CAMK4: variants seen among roughly 807,000 people sequenced by gnomAD.
CAMK4 encodes calcium/calmodulin dependent protein kinase IV.
Under a neutral mutation model 44.9 loss-of-function variants are expected in CAMK4, and 22 were observed. The observed-to-expected ratio is 0.49, with a 90% CI of 0.35 to 0.70. The LOEUF is 0.70. CAMK4 is among the 30% of genes least tolerant of loss of function. CAMK4 has a pLI of 0.01. For synonymous variants in CAMK4, 218 were observed against 215.4 expected (o/e 1.01, Z -0.11); for missense variants, 498 against 586.8 (o/e 0.85, Z 1.56).
intron 1 of CAMK4, among the ~76,000 whole-genome samples, chr5:111,332,759 C>G (rs867940158): frequency 6.6e-6 from 1 of 151,512 alleles, no homozygotes; most frequent in Non-Finnish European, 1.5e-5. Context: ...AACATTGGTG[C>G]TTTTACTTCT....
intron 5 of CAMK4, among the ~76,000 whole-genome samples, chr5:111,437,822 C>T (rs1251788135): frequency 6.6e-6 from 1 of 152,012 alleles, no homozygotes; most frequent in Non-Finnish European, 1.5e-5. Context: ...AGCATAGGAA[C>T]CAGATCACCA....
intron 1 of CAMK4, among the ~76,000 whole-genome samples, chr5:111,264,025 T>A (rs1236167677): frequency 1.3e-5 from 2 of 152,240 alleles, no homozygotes; most frequent in Non-Finnish European, 2.9e-5. Context: ...CTGCCAAGCT[T>A]ACTACTTTCC....
At chr5:111,418,616 C>A (rs906204329) in intron 5 of CAMK4, among the ~76,000 whole-genome samples, 2 of 149,988 alleles carry the variant, frequency 1.3e-5, no homozygotes, top group Admixed American at 1.3e-4. Context: ...CAACAGTCCC[C>A]AGAGTGTGAT....
intron 5 of CAMK4, among the ~76,000 whole-genome samples, chr5:111,407,492 A>T (rs1752479926): frequency 6.6e-6 from 1 of 152,190 alleles, no homozygotes; most frequent in African/African-American, 2.4e-5. Context: ...AAAGTGAGGA[A>T]TCAAGCTGTA....
chr5:111,410,971 C>CT (rs1752612054), intron 5 of CAMK4, among the ~76,000 whole-genome samples: 1 of 152,092 alleles, frequency 6.6e-6, no homozygotes, highest in South Asian at 2.1e-4. Flanking sequence ...AAGGTACCTC[C>CT]TGGTGCTTCA....
rs776568862 is a variant in CAMK4 at position 111,488,718 on chromosome 5, T to A, written c.*4252T>A. 2.0e-5 allele frequency: 3 copies of A among 152,202 alleles called. No individual in the cohort carries two copies. The highest frequency in any genetic ancestry group is 4.4e-5 in the Non-Finnish European group (3 of 68,028). 9.4% of individuals were successfully genotyped at this position (152,202 alleles called of 1,614,324 possible). On this transcript the variant is annotated 3_prime_UTR_variant, in exon 11 of 11. Coordinates refer to ENST00000282356, the MANE Select transcript of CAMK4 (RefSeq NM_001744.6). Reference sequence around the variant, plus strand: ...TAAGCCATTTATTTTGTTTTAGAATTGTTTTTGCAAAGCAAATTTTTTTAA... The same window carrying A: ...TAAGCCATTTATTTTGTTTTAGAATAGTTTTTGCAAAGCAAATTTTTTTAA...
intron 2 of CAMK4, among the ~76,000 whole-genome samples, chr5:111,348,884 A>G (rs1308467659): frequency 6.6e-6 from 1 of 152,070 alleles, no homozygotes; most frequent in Non-Finnish European, 1.5e-5. Context: ...TCTAAATGTT[A>G]TGACAAACAT....
chr5:111,224,782 A>G lies in CAMK4; in HGVS notation c.161+138A>G, dbSNP rs1474887258. ...CTACCTAGTTAGTGTCTTGAGAGAG[A>G]GCTAACCTTCATTCAGGTGCGGCTC... On this transcript the variant is annotated intron_variant, in intron 1 of 10. Coordinates refer to ENST00000282356, the MANE Select transcript of CAMK4 (RefSeq NM_001744.6). The surrounding 1 kb of genome is among the most constrained non-coding windows in gnomAD (Gnocchi z 5.7). 1.2e-6 allele frequency: 1 copy of G among 841,776 alleles called. No homozygotes were observed. Among genetic ancestry groups the G allele is most frequent in the East Asian group, 3.1e-5 (1 of 32,258 alleles). 52.1% of individuals were successfully genotyped at this position (841,776 alleles called of 1,614,324 possible). A position where few individuals can be genotyped will look rare whatever the true frequency, so the allele number is the denominator to read the frequency against.
At chr5:111,406,000 G>T (rs1752410288) in intron 5 of CAMK4, among the ~76,000 whole-genome samples, 1 of 151,858 alleles carries the variant, frequency 6.6e-6, no homozygotes, top group African/African-American at 2.4e-5. Flanking sequence ...CAGATAGCAG[G>T]ACTTAGAGGA....
chr5:111,297,746 C>G (rs1223310430), intron 1 of CAMK4, among the ~76,000 whole-genome samples: 1 of 152,160 alleles, frequency 6.6e-6, no homozygotes, highest in Non-Finnish European at 1.5e-5. Flanking sequence ...ATACAAATAT[C>G]TGAATGTTGT....
intron 9 of CAMK4, among the ~76,000 whole-genome samples, chr5:111,480,132 T>C (rs1387427525): frequency 6.6e-6 from 1 of 152,104 alleles, no homozygotes; most frequent in Non-Finnish European, 1.5e-5. Flanking sequence ...CTTTTCACTC[T>C]AGTGCACCAC....
chr5:111,441,853 A>C (rs772974544), intron 5 of CAMK4, among the ~76,000 whole-genome samples: 1 of 152,198 alleles, frequency 6.6e-6, no homozygotes, highest in Non-Finnish European at 1.5e-5. Context: ...TCAGCTCTAT[A>C]GATAGCATTA....
intron 5 of CAMK4, among the ~76,000 whole-genome samples, chr5:111,434,408 T>G (rs183812414): frequency 1.3e-5 from 2 of 152,162 alleles, no homozygotes; most frequent in Admixed American, 1.3e-4. Flanking sequence ...GGATTATGAC[T>G]GATTGGCCAA....
In CAMK4 at chr5:111,257,916, C is replaced by T. The variant is rs372754434; in HGVS notation, c.161+33272C>T. 2.0e-5 allele frequency among the ~76,000 whole-genome samples: 3 copies of T among 152,250 alleles called. 1 individual carries two copies. The highest frequency in any genetic ancestry group is 2.4e-5 in the African/African-American group (1 of 41,534). ...AGAAACAGAAAAACCAAACACTGCA[C>T]GTTCTCACTCATGTGGGAGCTGAAC... On this transcript the variant is annotated intron_variant, in intron 1 of 10. Coordinates refer to ENST00000282356, the MANE Select transcript of CAMK4 (RefSeq NM_001744.6).
chr5:111,244,707 A>C (rs1401080820), intron 1 of CAMK4, among the ~76,000 whole-genome samples: 1 of 152,082 alleles, frequency 6.6e-6, no homozygotes, highest in Non-Finnish European at 1.5e-5. Flanking sequence ...TTAAAAATAC[A>C]AAAATTAGCC....
intron 1 of CAMK4, among the ~76,000 whole-genome samples, chr5:111,281,039 A>G (rs146638919): frequency 1.3e-5 from 2 of 152,216 alleles, no homozygotes; most frequent in Non-Finnish European, 2.9e-5. Context: ...GGTCACGGCA[A>G]TATTTCTGCT....
chr5:111,381,822 G>T (rs57391173), intron 4 of CAMK4, among the ~76,000 whole-genome samples: 1 of 151,850 alleles, frequency 6.6e-6, no homozygotes, highest in African/African-American at 2.4e-5. Flanking sequence ...ATTCACATAC[G>T]GTTTTAAATT....
At chr5:111,436,433 G>A (rs1195872612) in intron 5 of CAMK4, among the ~76,000 whole-genome samples, 4 of 152,142 alleles carry the variant, frequency 2.6e-5, no homozygotes, top group East Asian at 3.8e-4. Flanking sequence ...CCTACCCAGA[G>A]GCTTTCATCA....
intron 1 of CAMK4, among the ~76,000 whole-genome samples, chr5:111,241,790 A>G (rs1253254495): frequency 6.6e-6 from 1 of 152,232 alleles, no homozygotes; most frequent in Non-Finnish European, 1.5e-5. Flanking sequence ...TTGGGAATGT[A>G]CTAACCAGTG....
Sources: allele counts gnomAD v4.1 joint callset (sites outside exome capture counted in the v4.1 genomes callset), GRCh38; gene constraint gnomAD v4.1.1; non-coding constraint Gnocchi (gnomAD v3.1); transcripts MANE v1.5; gene names NCBI Gene and HGNC (gene_info 2026-07-23, HGNC 2026-07-21).